Variants in FADS2 observed in about 807,000 individuals in gnomAD.
FADS2 encodes fatty acid desaturase 2, also known as acyl-CoA 6-desaturase.
FADS2 carries 18 observed loss-of-function variants against 61.2 expected under a neutral mutation model. The ratio of observed to expected loss-of-function variants is 0.29; its 90% CI spans 0.20 to 0.44. The LOEUF (loss-of-function observed/expected upper bound fraction) is 0.44. Among genes scored for constraint, FADS2 ranks in the 20% least tolerant of loss-of-function variants. The pLI is 1.00. For synonymous variants in FADS2, 203 were observed against 223.9 expected (o/e 0.91, Z 0.83); for missense variants, 322 against 572.7 (o/e 0.56, Z 4.47).
intron 5 of FADS2, among the ~76,000 whole-genome samples, chr11:61,853,785 C>T (rs1328359405): frequency 6.6e-6 from 1 of 152,178 alleles, no homozygotes; most frequent in Non-Finnish European, 1.5e-5. Context: ...GCCTGTTTCT[C>T]TCTGTGTGTG....
intron 5 of FADS2, 90 bp from the exon 6 acceptor site, chr11:61,856,921 G>A: frequency 9.7e-7 from 1 of 1,033,314 alleles, no homozygotes; most frequent in South Asian, 1.3e-5. Context: ...TGAGCAGATA[G>A]AAGGGATGGT....
intron 5 of FADS2, chr11:61,855,796 G>A (rs1017577086): frequency 2.0e-5 from 3 of 152,324 alleles, no homozygotes; most frequent in Admixed American, 6.5e-5. Flanking sequence ...CATCATCCAA[G>A]GTCCCTTCCC....
At chr11:61,862,832 G>GTAGT in intron 7 of FADS2, 140 bp from the exon 8 acceptor site, 1 of 689,338 alleles carries the variant, frequency 1.5e-6, no homozygotes, top group Admixed American at 2.2e-5. Flanking sequence ...CAGGTGGCGT[G>GTAGT]TAGTTGCCCA....
chr11:61,857,333 C>T (rs2067369130), intron 6 of FADS2, 121 bp from the exon 7 acceptor site: 1 of 935,714 alleles, frequency 1.1e-6, no homozygotes, highest in Admixed American at 1.8e-5. Flanking sequence ...GGGTCCCTGG[C>T]TGCTTCTGCC....
intron 1 of FADS2, among the ~76,000 whole-genome samples, chr11:61,836,523 T>C (rs1212326808): frequency 6.6e-6 from 1 of 152,192 alleles, no homozygotes; most frequent in African/African-American, 2.4e-5. Flanking sequence ...CAGGCCACCA[T>C]GCCTGGCTAA....
chr11:61,834,182 C>T (rs1462734389), intron 1 of FADS2, among the ~76,000 whole-genome samples: 1 of 152,146 alleles, frequency 6.6e-6, no homozygotes, highest in African/African-American at 2.4e-5. Context: ...TGGAAAGGAG[C>T]GTGGTATGTT....
chr11:61,822,537 T>G (rs2067043177), intron 1 of FADS2, among the ~76,000 whole-genome samples: 1 of 152,188 alleles, frequency 6.6e-6, no homozygotes. Context: ...CTGCGGTGCC[T>G]TCTTCCTCCC....
chr11:61,856,945 G>C, intron 5 of FADS2, 66 bp from the exon 6 acceptor site: 2 of 1,292,256 alleles, frequency 1.5e-6, no homozygotes, highest in South Asian at 2.4e-5. Flanking sequence ...TGCAGGATGG[G>C]TTGGGGAACA....
In FADS2 at chr11:61,817,829, A is replaced by G. The variant is rs533731789; in HGVS notation, c.141+1403A>G. 2.1e-4 allele frequency among the ~76,000 whole-genome samples: 32 copies of G among 152,358 alleles called. No homozygotes were observed. The East Asian group carries it at 5.6e-3, about 27-fold the overall frequency. On this transcript the variant is annotated intron_variant, in intron 1 of 11. Transcript: ENST00000257261. ...AGGTCCAAAATTTTATTTATTCAACAAACACTTTATAAAGCACTTACTGTG... is the reference window on the plus strand; with the variant it reads ...AGGTCCAAAATTTTATTTATTCAACGAACACTTTATAAAGCACTTACTGTG...
intron 1 of FADS2, among the ~76,000 whole-genome samples, chr11:61,820,865 A>T (rs543705914): frequency 6.6e-6 from 1 of 152,232 alleles, no homozygotes; most frequent in Admixed American, 6.5e-5. Flanking sequence ...GCACCACTGC[A>T]CTCCAGCCTG....
intron 5 of FADS2, among the ~76,000 whole-genome samples, chr11:61,852,882 T>C (rs930700441): frequency 1.3e-5 from 2 of 152,094 alleles, no homozygotes; most frequent in African/African-American, 4.8e-5. Context: ...CGGCCCAGCG[T>C]GGTGGCTCAC....
At chr11:61,863,582 T>C (rs761504662) in intron 9 of FADS2, 125 bp from the exon 10 acceptor site, 82 of 842,208 alleles carry the variant, frequency 9.7e-5, no homozygotes, top group Non-Finnish European at 1.5e-4. Context: ...GCTGAGGCCA[T>C]CAGGCAGGAC....
chr11:61,839,020 G>T (rs541808190), intron 2 of FADS2, among the ~76,000 whole-genome samples: 8 of 152,248 alleles, frequency 5.3e-5, no homozygotes, highest in Admixed American at 2.6e-4. Context: ...GTCATGCCCT[G>T]TGGGTACCGC....
chr11:61,829,673 G>A (rs2135954163), intron 1 of FADS2, among the ~76,000 whole-genome samples: 1 of 152,298 alleles, frequency 6.6e-6, no homozygotes, highest in Non-Finnish European at 1.5e-5. Flanking sequence ...AGAGAAAAAA[G>A]GTCTGATGGG....
chr11:61,860,919 A>G (rs1428713507), intron 7 of FADS2, among the ~76,000 whole-genome samples: 1 of 151,522 alleles, frequency 6.6e-6, no homozygotes, highest in East Asian at 2.0e-4. Context: ...TAAAAATAAA[A>G]GTTGGGCCAG....
intron 2 of FADS2, among the ~76,000 whole-genome samples, chr11:61,838,364 T>C (rs2067192217): frequency 6.6e-6 from 1 of 152,128 alleles, no homozygotes; most frequent in African/African-American, 2.4e-5. Context: ...TGAGGTCTCA[T>C]GGGCTGTTGT....
intron 4 of FADS2, among the ~76,000 whole-genome samples, chr11:61,845,030 CTTTTTTTTTTTT>C (rs71046747): frequency 7.7e-4 from 34 of 44,156 alleles, no homozygotes; most frequent in Admixed American, 2.7e-3. Context: ...CAGAAGTGCA[CTTTTTTTTTTTT>C]TTTTTTTTTT....
intron 4 of FADS2, among the ~76,000 whole-genome samples, chr11:61,843,504 T>G (rs2067232331): frequency 6.6e-6 from 1 of 152,192 alleles, no homozygotes; most frequent in Non-Finnish European, 1.5e-5. Context: ...CACCAGACTT[T>G]CTGCAGCCTC....
upstream of FADS2, chr11:61,827,277 C>T (rs894423357): frequency 1.3e-5 from 2 of 152,242 alleles, no homozygotes; most frequent in Admixed American, 1.3e-4. The surrounding 1 kb of genome is among the most constrained non-coding windows in gnomAD (Gnocchi z 4.5). Flanking sequence ...CATCACTGCC[C>T]AATGATGTGT....
Sources: allele counts gnomAD v4.1 joint callset (sites outside exome capture counted in the v4.1 genomes callset), GRCh38; gene constraint gnomAD v4.1.1; non-coding constraint Gnocchi (gnomAD v3.1); transcripts MANE v1.5; gene names NCBI Gene and HGNC (gene_info 2026-07-23, HGNC 2026-07-21).